The following ERI2 variants were observed in gnomAD, a reference collection of about 807,000 sequenced individuals.
The protein encoded by ERI2 is ERI1 exoribonuclease 2.
Under a neutral mutation model 46.8 loss-of-function variants are expected in ERI2, and 35 were observed. The ratio of observed to expected loss-of-function variants is 0.75; its 90% CI spans 0.57 to 0.99. The LOEUF is 0.99. Among genes scored for constraint, ERI2 ranks in the 50% least tolerant of loss-of-function variants. The pLI, the probability that ERI2 is intolerant of heterozygous loss-of-function variation, is 0.00. For synonymous variants in ERI2, 224 were observed against 271.0 expected (o/e 0.83, Z 1.70); for missense variants, 695 against 796.2 (o/e 0.87, Z 1.53).
Position 20,797,858 on chromosome 16 carries a change from C to T in ERI2, c.1942G>A (p.Ala648Thr), listed in dbSNP as rs1263829506. ...GAATGAGATGGAACCATGCTGTTGGCTCTTTCCTTTTGAAGTGTTTGTTCC... is the reference window on the plus strand; with the variant it reads ...GAATGAGATGGAACCATGCTGTTGGTTCTTTCCTTTTGAAGTGTTTGTTCC... ...KWEQTLQKER[A>T]NSMVPSHSTG... The change falls in exon 9 of 9, where the codon GCC (alanine) becomes ACC (threonine). Residue 648 changes from alanine (A) to threonine (T), a missense_variant. By Grantham distance (58) the Ala-to-Thr change is moderately conservative. Transcript: ENST00000357967. 2 of 1,551,554 alleles carry T rather than the reference C, an allele frequency of 1.3e-6. No individual in the cohort carries two copies. The highest frequency in any genetic ancestry group is 1.7e-6 in the Non-Finnish European group (2 of 1,146,898).
In ERI2 at chr16:20,799,067, C is replaced by T. The variant is rs763997564; in HGVS notation, c.733G>A (p.Val245Ile). 4.7e-6 allele frequency: 7 copies of T among 1,498,550 alleles called. No individual in the cohort carries two copies. In the African/African-American group the frequency reaches 9.9e-5, roughly 21 times the overall value. 92.8% of individuals were successfully genotyped at this position (1,498,550 alleles called of 1,614,324 possible). ...VMKITRSLNK[V>I]PTKKNFSILA... ...ATGCTGAAATTCTTCTTAGTGGGAA[C>T]CTATGATTCCACAGACAAATGCAAC... The change falls in exon 9 of 9, where the codon GTT (valine) becomes ATT (isoleucine). Residue 245 changes from valine to isoleucine, a missense_variant and splice_region_variant. Transcript: ENST00000357967.
intron 1 of ERI2, chr16:20,805,796 A>T: frequency 4.4e-6 from 1 of 229,352 alleles, no homozygotes; most frequent in Non-Finnish European, 7.3e-6. Context: ...CTATGTTGCT[A>T]GTCAGTCGGG....
chr16:20,781,620 T>C (rs1197964422), intron 10 of ERI2: 3 of 963,182 alleles, frequency 3.1e-6, no homozygotes, highest in Non-Finnish European at 3.4e-6. Flanking sequence ...ACATAAACAA[T>C]GTTTAAATTG....
Position 20,798,292 on chromosome 16 carries a change from T to A in ERI2, c.1508A>T (p.Glu503Val), listed in dbSNP as rs1326860907. ...GSDISAFKLP[E>V]HKSSTFNRVN... ...TCTGTTGAAGGTACTTGATTTGTGTTCAGGTAACTTAAAGGCAGAAATATC... is the reference window on the plus strand; with the variant it reads ...TCTGTTGAAGGTACTTGATTTGTGTACAGGTAACTTAAAGGCAGAAATATC... Residue 503 changes from glutamate (E) to valine (V), a missense_variant, in exon 9 of 9, where the codon GAA becomes GTA. By Grantham distance (121) the Glu-to-Val change is moderately radical. Transcript: ENST00000357967. The A allele has an allele frequency of 2.6e-6, 4 of 1,551,436 alleles. No individual in the cohort carries two copies. The highest frequency in any genetic ancestry group is 1.7e-6 in the Non-Finnish European group (2 of 1,146,904).
intron 1 of ERI2, chr16:20,806,021 A>C: frequency 8.7e-7 from 1 of 1,145,926 alleles, no homozygotes; most frequent in Non-Finnish European, 1.1e-6. Context: ...GCACCGAGGA[A>C]CGAGCATTTC....
chr16:20,803,546 T>C (rs752594665), intron 2 of ERI2, 30 bp from the exon 3 acceptor site: 1 of 1,614,012 alleles, frequency 6.2e-7, no homozygotes, highest in Non-Finnish European at 8.5e-7. Flanking sequence ...TCTTATGCTT[T>C]ACCAGTGCTG....
intron 4 of ERI2, 64 bp from the exon 5 acceptor site, chr16:20,801,423 A>G: frequency 5.5e-6 from 8 of 1,466,802 alleles, no homozygotes; most frequent in Non-Finnish European, 5.5e-6. Context: ...AGCATGTTTT[A>G]TAACTGTGGA....
At chr16:20,800,241 G>T in intron 6 of ERI2, 61 bp downstream of exon 6, 1 of 1,191,648 alleles carries the variant, frequency 8.4e-7, no homozygotes, top group Non-Finnish European at 1.2e-6. Context: ...CCATGTGTAG[G>T]ATAAAAGTTA....
downstream of ERI2, among the ~76,000 whole-genome samples, chr16:20,793,142 G>A (rs2080639072): frequency 1.3e-5 from 2 of 152,174 alleles, no homozygotes; most frequent in African/African-American, 4.8e-5. Flanking sequence ...AGAGTTAGAA[G>A]GTATCCAATC....
Position 20,805,981 on chromosome 16 carries a change from AAATTT to A in ERI2, c.23+422_23+426del, listed in dbSNP as rs2080863359. On this transcript the variant is annotated intron_variant, in intron 1 of 8. Coordinates refer to ENST00000357967, the MANE Select transcript of ERI2 (RefSeq NM_001142725.2). The stretch of plus-strand genomic sequence containing the variant: ...TAAAAATGGCCTTACTAAATAAATT[AAATTT>A]AAGTTTAAGTTCTATTTCTTTACAG... 1.3e-5 allele frequency: 14 copies of A among 1,054,382 alleles called. No homozygotes were observed. In the South Asian group the frequency reaches 3.9e-4, roughly 29 times the overall value. The allele number at this position is 1,054,382 out of a possible 1,614,324, so 65.3% of individuals were successfully genotyped here.
Position 20,800,319 on chromosome 16 carries a change from G to A in ERI2, c.544C>T (p.Leu182Phe). The A allele has an allele frequency of 6.2e-7, 1 of 1,607,462 alleles. No individual in the cohort carries two copies. The highest frequency in any genetic ancestry group is 1.3e-5 in the African/African-American group (1 of 74,824). ...KPVFLNSWID[L>F]RATYKLFYRR... ...ACCATTACCTTGTAAGTTGCTCTGA[G>A]ATCAATCCAAGAATTTAAAAACACA... Residue 182 changes from leucine to phenylalanine, a missense_variant, in exon 6 of 9, where the codon CTC (leucine) becomes TTC (phenylalanine). Transcript: ENST00000357967.
rs144411258 is a variant in ERI2, at chr16:20,785,140, T to C, written c.894+4339A>G. 2.4e-4 allele frequency: 394 copies of C among 1,610,230 alleles called. 2 individuals carry two copies. In the African/African-American group the frequency reaches 4.8e-3, roughly 20 times the overall value. ...ACCTCACTGAAAAGACATAGCTGGATTCCATTTAGTCAGATGAATAAAAAC... is the reference window on the plus strand; with the variant it reads ...ACCTCACTGAAAAGACATAGCTGGACTCCATTTAGTCAGATGAATAAAAAC... On this transcript the variant is annotated intron_variant, in intron 10 of 10. Coordinates refer to the ERI2 transcript ENST00000300005.
In ERI2 at chr16:20,797,064, T is replaced by C; in HGVS notation, c.*660A>G. 6.6e-7 allele frequency: 1 copy of C among 1,504,530 alleles called. No homozygotes were observed. The highest frequency in any genetic ancestry group is 8.8e-7 in the Non-Finnish European group (1 of 1,132,502). The allele number at this position is 1,504,530 out of a possible 1,614,324, so 93.2% of individuals were successfully genotyped here. ...GATGATGGAGAGGTCATAAAAACTGTGGTAGTATGCTTAGAAACTGTTGAT... is the reference window on the plus strand; with the variant it reads ...GATGATGGAGAGGTCATAAAAACTGCGGTAGTATGCTTAGAAACTGTTGAT... On this transcript the variant is annotated 3_prime_UTR_variant, in exon 9 of 9. Coordinates refer to ENST00000357967, the MANE Select transcript of ERI2 (RefSeq NM_001142725.2).
chr16:20,791,976 A>C (rs533783607), downstream of ERI2: 26 of 1,612,198 alleles, frequency 1.6e-5, no homozygotes, highest in South Asian at 2.9e-4. Context: ...ATTCACCATA[A>C]CAACAAAATG....
At chr16:20,782,784 T>A (rs1252238538) in intron 10 of ERI2, among the ~76,000 whole-genome samples, 2 of 152,102 alleles carry the variant, frequency 1.3e-5, no homozygotes, top group Admixed American at 6.6e-5. Context: ...GCTCACAGAG[T>A]GCAAGAAAAC....
chr16:20,803,774 T>G, intron 1 of ERI2, 104 bp from the exon 2 acceptor site: 11 of 1,379,490 alleles, frequency 8.0e-6, no homozygotes, highest in Non-Finnish European at 1.0e-5. Flanking sequence ...CATTATTTAT[T>G]GTGACTGAGG....
chr16:20,783,101 C>G (rs1182650004), intron 10 of ERI2: 1 of 152,196 alleles, frequency 6.6e-6, no homozygotes, highest in African/African-American at 2.4e-5. Flanking sequence ...CTGGCTTAGT[C>G]TTTCTTGTGA....
At position 20,798,194 on chromosome 16, in the gene ERI2, G is replaced by T. The variant is rs1265784654; in HGVS notation, c.1606C>A (p.Pro536Thr). The T allele has an allele frequency of 1.3e-6, 2 of 1,551,614 alleles. No individual in the cohort carries two copies. The highest frequency in any genetic ancestry group is 4.9e-5 in the East Asian group (2 of 40,924). ...PLLSGGTKRN[P>T]CSPQAFPPAK... ...GGTGGGAAAGCTTGGGGACTGCATG[G>T]ATTCCTTTTGGTACCACCTGAAAGA... The change falls in exon 9 of 9, where the codon CCA (proline) becomes ACA (threonine). Residue 536 changes from proline to threonine, a missense_variant. Physicochemically the swap from Pro to Thr is conservative, Grantham distance 38. Coordinates refer to ENST00000357967, the MANE Select transcript of ERI2 (RefSeq NM_001142725.2).
At position 20,784,688 on chromosome 16, in the gene ERI2, G is replaced by A. The variant is rs964388948; in HGVS notation, c.895-3954C>T. 2.9e-5 allele frequency: 5 copies of A among 171,596 alleles called. No individual in the cohort carries two copies. In the East Asian group the frequency reaches 4.9e-4, roughly 17 times the overall value. 10.6% of individuals were successfully genotyped at this position (171,596 alleles called of 1,614,324 possible). A position where few individuals can be genotyped will look rare whatever the true frequency, so the allele number is the denominator to read the frequency against. On this transcript the variant is annotated intron_variant, in intron 10 of 10. Coordinates refer to the ERI2 transcript ENST00000300005. The stretch of plus-strand genomic sequence containing the variant: ...CCCTAAGAACAGAATGACCTTCTTT[G>A]TAATAAATTATACCTCCACCACAAA...
Sources: gnomAD v4.1 joint callset for allele counts (sites outside exome capture counted in the v4.1 genomes callset) on GRCh38, gnomAD v4.1.1 for gene constraint, MANE v1.5 for transcripts, NCBI Gene and HGNC (gene_info 2026-07-23, HGNC 2026-07-21) for gene names.